CCDC171: variants seen among roughly 807,000 people sequenced by gnomAD.
CCDC171 encodes coiled-coil domain containing 171, also known as coiled-coil domain-containing protein 171.
Under a neutral mutation model 168.2 loss-of-function variants are expected in CCDC171, and 177 were observed. The observed-to-expected ratio is 1.05, with a 90% CI of 0.93 to 1.19. The LOEUF (loss-of-function observed/expected upper bound fraction) is 1.19. CCDC171 is among the 50% of genes most tolerant of loss of function. CCDC171 has a pLI of 0.00. For missense variants in CCDC171, 1,991 were observed against 1,539.0 expected, an observed-to-expected ratio of 1.29 and a Z score of -4.91; for synonymous variants, 687 against 540.8, an observed-to-expected ratio of 1.27 and a Z score of -3.75.
At chr9:15,618,320 A>G (rs570572666) in intron 6 of CCDC171, among the ~76,000 whole-genome samples, 2 of 152,186 alleles carry the variant, frequency 1.3e-5, no homozygotes, top group South Asian at 2.1e-4. Context: ...TAGCACTATC[A>G]GGAGAAAACC....
chr9:15,991,601 C>G (rs908032848), intron 3 of CCDC171, among the ~76,000 whole-genome samples: 9 of 151,968 alleles, frequency 5.9e-5, no homozygotes, highest in Non-Finnish European at 7.4e-5. Context: ...GAAGGAGATA[C>G]AGACACAAAA....
At chr9:15,913,808 C>T (rs1405726444) in intron 24 of CCDC171, among the ~76,000 whole-genome samples, 1 of 152,054 alleles carries the variant, frequency 6.6e-6, no homozygotes, top group East Asian at 1.9e-4. Flanking sequence ...CTGTCGGTGA[C>T]CTTCGGATGG....
chr9:15,914,915 T>A (rs1305971878), intron 24 of CCDC171, among the ~76,000 whole-genome samples: 3 of 152,116 alleles, frequency 2.0e-5, no homozygotes, highest in Admixed American at 6.5e-5. Context: ...CCCTGACCCC[T>A]TGTGCTTCCC....
chr9:15,976,273 G>A (rs946191637), downstream of CCDC171, among the ~76,000 whole-genome samples: 3 of 152,048 alleles, frequency 2.0e-5, no homozygotes, highest in Non-Finnish European at 4.4e-5. Flanking sequence ...TTTAATATTA[G>A]CAAACAGAGA....
chr9:15,926,898 A>G (rs915029048), intron 25 of CCDC171, among the ~76,000 whole-genome samples: 3 of 151,704 alleles, frequency 2.0e-5, no homozygotes, highest in African/African-American at 4.8e-5. Flanking sequence ...AACAACCCTT[A>G]TATCAGTGCT....
chr9:15,818,665 C>G (rs561336858), intron 21 of CCDC171, among the ~76,000 whole-genome samples: 1 of 117,724 alleles, frequency 8.5e-6, no homozygotes, highest in Non-Finnish European at 1.9e-5. Flanking sequence ...AAGAAACGAA[C>G]AAAGCCTCCA....
chr9:15,605,529 A>AG (rs1463948390), intron 6 of CCDC171, among the ~76,000 whole-genome samples: 2 of 150,076 alleles, frequency 1.3e-5, no homozygotes, highest in African/African-American at 4.9e-5. Context: ...AAAAAAAAAA[A>AG]AAAAAAAATT....
chr9:15,659,278 A>C (rs2048149297), intron 8 of CCDC171, among the ~76,000 whole-genome samples: 1 of 152,202 alleles, frequency 6.6e-6, no homozygotes, highest in Non-Finnish European at 1.5e-5. Context: ...TAGGAAAGTT[A>C]AGGAAATTAC....
intron 23 of CCDC171, among the ~76,000 whole-genome samples, chr9:15,857,740 C>G (rs2061400018): frequency 6.6e-6 from 1 of 151,534 alleles, no homozygotes; most frequent in Non-Finnish European, 1.5e-5. Context: ...CATTCTTTAG[C>G]AAGTGATATC....
At chr9:16,075,243 A>G in the CCDC171 span, among the ~76,000 whole-genome samples, 1 of 151,982 alleles carries the variant, frequency 6.6e-6, no homozygotes, top group Non-Finnish European at 1.5e-5. Context: ...CAGCACCCTA[A>G]TTCGTTATTT....
Position 16,004,628 on chromosome 9 carries a change from G to A in CCDC171, n.369-15961G>A, listed in dbSNP as rs928231479. Among the ~76,000 whole-genome samples the A allele has an allele frequency of 5.3e-5, 8 of 152,232 alleles. No homozygotes were observed. In the East Asian group the frequency reaches 1.4e-3, roughly 26 times the overall value. ...TGTCCATTTGCAACTGCAGTTCACC[G>A]AATGCCCCGTCACTGCCTTACTGAG... On this transcript the variant is annotated intron_variant and non_coding_transcript_variant, in intron 3 of 9. Transcript: ENST00000486641.
At chr9:16,010,162 G>A (rs1408008800) in intron 3 of CCDC171, among the ~76,000 whole-genome samples, 1 of 152,166 alleles carries the variant, frequency 6.6e-6, no homozygotes, top group East Asian at 1.9e-4. Flanking sequence ...ATGTGTGTGT[G>A]TGTACTTTGT....
intron 16 of CCDC171, among the ~76,000 whole-genome samples, chr9:15,739,739 A>ATT (rs2054726933): frequency 9.1e-6 from 1 of 109,896 alleles, no homozygotes; most frequent in East Asian, 3.9e-4. Flanking sequence ...ATGTAATACC[A>ATT]ATTTTTTTTT....
At chr9:15,845,976 T>C (rs2060878486) in intron 21 of CCDC171, among the ~76,000 whole-genome samples, 1 of 152,112 alleles carries the variant, frequency 6.6e-6, no homozygotes, top group Non-Finnish European at 1.5e-5. Context: ...TTAAAGTAGA[T>C]AGCAAATATA....
chr9:15,754,170 G>A (rs933338065), intron 18 of CCDC171, among the ~76,000 whole-genome samples: 1 of 152,184 alleles, frequency 6.6e-6, no homozygotes, highest in Admixed American at 6.6e-5. Flanking sequence ...ATATAGTCAT[G>A]TGGAGTTTCC....
intron 18 of CCDC171, among the ~76,000 whole-genome samples, chr9:15,758,693 T>C (rs1306323296): frequency 6.6e-6 from 1 of 152,162 alleles, no homozygotes; most frequent in Non-Finnish European, 1.5e-5. Flanking sequence ...TCCCATGTGT[T>C]GTGGGAGGGA....
intron 23 of CCDC171, among the ~76,000 whole-genome samples, chr9:15,867,981 T>C (rs965670341): frequency 4.6e-5 from 7 of 152,080 alleles, no homozygotes; most frequent in Non-Finnish European, 1.0e-4. Flanking sequence ...AATCACCCTA[T>C]TTTCCAGCTT....
chr9:15,644,360 G>C (rs1423235219), intron 7 of CCDC171, among the ~76,000 whole-genome samples: 1 of 152,174 alleles, frequency 6.6e-6, no homozygotes, highest in Non-Finnish European at 1.5e-5. Context: ...CTGAGGTACT[G>C]GGTTCATCTC....
chr9:15,698,236 T>G (rs997093740), intron 11 of CCDC171, among the ~76,000 whole-genome samples: 2 of 152,034 alleles, frequency 1.3e-5, no homozygotes, highest in African/African-American at 4.8e-5. Flanking sequence ...AGTAAGAACA[T>G]AAGGGCCAGG....
Sources: allele counts gnomAD v4.1 joint callset (sites outside exome capture counted in the v4.1 genomes callset), GRCh38; gene constraint gnomAD v4.1.1; transcripts MANE v1.5; gene names NCBI Gene and HGNC (gene_info 2026-07-23, HGNC 2026-07-21).